IL17REL: variants seen among roughly 807,000 people sequenced by gnomAD.
IL17REL encodes the protein interleukin 17 receptor E like.
IL17REL carries 36 observed loss-of-function variants against 49.0 expected under a neutral mutation model. The ratio of observed to expected loss-of-function variants is 0.73; its 90% CI spans 0.56 to 0.97. The LOEUF is 0.97. IL17REL is among the 50% of genes least tolerant of loss of function. The probability of loss-of-function intolerance (pLI) is 0.00; values close to 1 mark genes in which losing one functional copy is unlikely to be tolerated. For synonymous variants in IL17REL, 206 were observed against 192.4 expected, an observed-to-expected ratio of 1.07 and a Z score of -0.58; for missense variants, 470 against 453.9, an observed-to-expected ratio of 1.04 and a Z score of -0.32.
In IL17REL at chr22:49,999,405, C is replaced by T. The variant is rs746362770; in HGVS notation, c.546+26G>A. On this transcript the variant is annotated intron_variant, in intron 6 of 12. Coordinates refer to ENST00000341280, the Ensembl canonical transcript of IL17REL. The stretch of plus-strand genomic sequence containing the variant: ...ATCCCTGTGCTCCCCTCACCCGCCC[C>T]AAGTCCAGGCCACACCTCCACCGAC... 1.2e-5 allele frequency: 20 copies of T among 1,612,590 alleles called. No homozygotes were observed. The East Asian group carries it at 3.8e-4, about 31-fold the overall frequency.
chr22:50,009,372 G>C (rs1376163637), upstream of IL17REL, among the ~76,000 whole-genome samples: 4 of 152,174 alleles, frequency 2.6e-5, no homozygotes, highest in African/African-American at 9.7e-5. Context: ...GGGGCAGAAG[G>C]GTCCTGTGGG....
At chr22:50,005,519 G>A (rs2061104408) in intron 1 of IL17REL, among the ~76,000 whole-genome samples, 1 of 152,076 alleles carries the variant, frequency 6.6e-6, no homozygotes, top group Non-Finnish European at 1.5e-5. Context: ...AAAAATACCT[G>A]GGCCGGGCGC....
At chr22:49,993,407 G>A (rs1049342231), downstream of IL17REL, among the ~76,000 whole-genome samples, 7 of 152,196 alleles carry the variant, frequency 4.6e-5, no homozygotes, top group African/African-American at 1.4e-4. This position sits in a 1 kb window ranked among gnomAD's most constrained non-coding sequence, Gnocchi z 6.0. Flanking sequence ...CAGGTGTGGG[G>A]GTGGGTTTCC....
chr22:50,011,400 C>G (rs965256137), upstream of IL17REL, among the ~76,000 whole-genome samples: 1 of 152,022 alleles, frequency 6.6e-6, no homozygotes, highest in South Asian at 2.1e-4. Flanking sequence ...GGTCACACCT[C>G]GGACCGGGAG....
exon 11 of IL17REL, chr22:49,997,397 G>A (rs1053459301): frequency 1.9e-6 from 3 of 1,613,804 alleles, no homozygotes; most frequent in African/African-American, 2.7e-5. Context: ...TGACACAGGT[G>A]CACCTGGAAG....
At chr22:50,000,898 A>G in intron 2 of IL17REL, 35 bp from the exon 4 acceptor site, 1 of 1,467,044 alleles carries the variant, frequency 6.8e-7, no homozygotes, top group Non-Finnish European at 9.1e-7. Flanking sequence ...GGTGCATCAG[A>G]GCAGGGCCGC....
chr22:50,011,315 T>A (rs543681926), upstream of IL17REL, among the ~76,000 whole-genome samples: 304 of 150,026 alleles, frequency 2.0e-3, no homozygotes, highest in South Asian at 4.1e-3. Flanking sequence ...GCCCCTTTCC[T>A]TGGAGTACTG....
chr22:49,998,198 C>A, exon 8 of IL17REL: 4 of 1,611,786 alleles, frequency 2.5e-6, no homozygotes, highest in Non-Finnish European at 2.5e-6. Flanking sequence ...CGGCCCCGGG[C>A]GCCAGCACAG....
intron 1 of IL17REL, among the ~76,000 whole-genome samples, chr22:50,002,495 CTT>C (rs398040533): frequency 0.17 from 21,233 of 127,716 alleles, 1,624 homozygotes; most frequent in Middle Eastern, 0.32. Context: ...CTTTTCTTTT[CTT>C]TTTTTTTTTT....
At chr22:49,998,238 G>A (rs1180938815) in exon 8 of IL17REL, 2 of 1,612,536 alleles carry the variant, frequency 1.2e-6, no homozygotes, top group Admixed American at 1.7e-5. Context: ...GGGCAGGCGG[G>A]CTCCCAGCTC....
chr22:49,998,277 C>G, exon 8 of IL17REL: 1 of 1,610,434 alleles, frequency 6.2e-7, no homozygotes, highest in Non-Finnish European at 8.5e-7. Flanking sequence ...TGGTAGTAGA[C>G]CGTGTCCCAC....
chr22:50,011,467 C>T (rs2061141096), upstream of IL17REL, among the ~76,000 whole-genome samples: 1 of 152,004 alleles, frequency 6.6e-6, no homozygotes, highest in South Asian at 2.1e-4. Flanking sequence ...CACTTCAAGG[C>T]CGCCTCCCCC....
At chr22:50,010,682 C>T (rs1213817447), upstream of IL17REL, among the ~76,000 whole-genome samples, 2 of 152,162 alleles carry the variant, frequency 1.3e-5, no homozygotes, top group African/African-American at 2.4e-5. Flanking sequence ...GGGCTGGCCC[C>T]GTGGCCCGAG....
At chr22:50,000,650 C>T in intron 3 of IL17REL, 58 bp from the exon 5 acceptor site, 1 of 1,557,702 alleles carries the variant, frequency 6.4e-7, no homozygotes, top group Non-Finnish European at 8.8e-7. Flanking sequence ...CCCCACCCGG[C>T]CAGCTCCACT....
chr22:50,000,691 C>A, intron 3 of IL17REL, 63 bp downstream of exon 4: 2 of 1,539,334 alleles, frequency 1.3e-6, no homozygotes, highest in Non-Finnish European at 1.8e-6. Context: ...CCAGGGATGG[C>A]GCCCAGGAGG....
At chr22:50,010,857 G>T (rs1455567680), upstream of IL17REL, among the ~76,000 whole-genome samples, 1 of 151,614 alleles carries the variant, frequency 6.6e-6, no homozygotes, top group Non-Finnish European at 1.5e-5. Flanking sequence ...CGCCTCCCCC[G>T]CACGGGGTTT....
exon 13 of IL17REL, chr22:49,996,093 C>G (rs1212615203): frequency 3.9e-5 from 6 of 152,492 alleles, no homozygotes; most frequent in African/African-American, 2.4e-5. Flanking sequence ...CTGGGCATGT[C>G]CTGTGGGCAG....
rs1324807654 is a variant in IL17REL at position 49,997,299 on chromosome 22, A to C, written c.974+21T>G. 3.1e-6 allele frequency: 5 copies of C among 1,607,888 alleles called. No individual in the cohort carries two copies. The South Asian group carries it at 5.5e-5, about 18-fold the overall frequency. On this transcript the variant is annotated intron_variant, in intron 11 of 12. Coordinates refer to ENST00000341280, the Ensembl canonical transcript of IL17REL. The stretch of plus-strand genomic sequence containing the variant: ...CACCACCCCCACCTCCCCAGGATGG[A>C]GCCCCACTCTCTCGGCTCACTGAGG...
intron 1 of IL17REL, among the ~76,000 whole-genome samples, chr22:50,005,989 T>A (rs557287396): frequency 6.6e-6 from 1 of 151,868 alleles, no homozygotes; most frequent in Non-Finnish European, 1.5e-5. Flanking sequence ...GTAGGAGAGC[T>A]GCGAAAATAA....
Sources: gnomAD v4.1 joint callset for allele counts (sites outside exome capture counted in the v4.1 genomes callset) on GRCh38, gnomAD v4.1.1 for gene constraint, Gnocchi (gnomAD v3.1) non-coding constraint, MANE v1.5 for transcripts, NCBI Gene and HGNC (gene_info 2026-07-23, HGNC 2026-07-21) for gene names.